The following RGS7 variants were observed in gnomAD, a reference collection of about 807,000 sequenced individuals.
RGS7 encodes the protein regulator of G protein signaling 7.
RGS7 carries 27 observed loss-of-function variants against 81.1 expected under a neutral mutation model. That is an observed-to-expected ratio of 0.33 (90% CI 0.25 to 0.46). The LOEUF is 0.46. Among genes scored for constraint, RGS7 ranks in the 20% least tolerant of loss-of-function variants. The pLI, the probability that RGS7 is intolerant of heterozygous loss-of-function variation, is 1.00. For synonymous variants in RGS7, 208 were observed against 207.7 expected, an observed-to-expected ratio of 1.00 and a Z score of -0.01; for missense variants, 396 against 607.4, an observed-to-expected ratio of 0.65 and a Z score of 3.66.
At chr1:240,854,072 T>C (rs1660639921) in intron 9 of RGS7, among the ~76,000 whole-genome samples, 1 of 152,118 alleles carries the variant, frequency 6.6e-6, no homozygotes, top group Admixed American at 6.5e-5. Flanking sequence ...CACATATACA[T>C]TTTTGAGGCT....
intron 2 of RGS7, among the ~76,000 whole-genome samples, chr1:241,256,482 T>C (rs1202925583): frequency 6.6e-6 from 1 of 152,168 alleles, no homozygotes. Context: ...TGGTCACTTA[T>C]TTACAATTTC....
chr1:240,903,574 A>G (rs183019880), intron 6 of RGS7, among the ~76,000 whole-genome samples: 1 of 152,166 alleles, frequency 6.6e-6, no homozygotes, highest in East Asian at 1.9e-4. Context: ...TATTTTCCCC[A>G]CAACAATGCT....
At chr1:241,077,581 T>G (rs1311700561) in intron 3 of RGS7, among the ~76,000 whole-genome samples, 2 of 152,118 alleles carry the variant, frequency 1.3e-5, no homozygotes, top group African/African-American at 4.8e-5. Context: ...GGACTGGGCC[T>G]CTGGAAGCCA....
At chr1:241,297,079 A>G (rs2079472222) in intron 2 of RGS7, among the ~76,000 whole-genome samples, 1 of 152,150 alleles carries the variant, frequency 6.6e-6, no homozygotes, top group African/African-American at 2.4e-5. Context: ...GCCCCTAAGT[A>G]TATTTTACTT....
chr1:241,011,464 G>A (rs1278191963), intron 3 of RGS7, among the ~76,000 whole-genome samples: 1 of 152,178 alleles, frequency 6.6e-6, no homozygotes, highest in Non-Finnish European at 1.5e-5. Context: ...TGAAAACCAA[G>A]TAAAAAGTAA....
Position 241,120,873 on chromosome 1 carries a change from T to C in RGS7, c.79-22111A>G, listed in dbSNP as rs2102994220. ...GAAATGGAGGATAGAGGGTTTAGAG[T>C]GGAGGTGCACGAGTGAGGTGCATTT... On this transcript the variant is annotated intron_variant, in intron 2 of 18. Transcript: ENST00000440928. Among the ~76,000 whole-genome samples the C allele has an allele frequency of 1.3e-5, 2 of 151,762 alleles. 1 individual carries two copies. The highest frequency in any genetic ancestry group is 4.2e-4 in the South Asian group (2 of 4,816).
intron 18 of RGS7, among the ~76,000 whole-genome samples, chr1:240,784,997 T>C (rs539408261): frequency 2.0e-5 from 3 of 152,302 alleles, no homozygotes; most frequent in African/African-American, 4.8e-5. Flanking sequence ...GAGTCTGAGC[T>C]AAAGGATGTT....
intron 3 of RGS7, among the ~76,000 whole-genome samples, chr1:241,045,579 G>C (rs1197137736): frequency 6.6e-6 from 1 of 152,064 alleles, no homozygotes; most frequent in African/African-American, 2.4e-5. Flanking sequence ...GGCCAGGCTG[G>C]TCTTGAATTC....
At chr1:240,968,144 A>G (rs528012743) in intron 4 of RGS7, among the ~76,000 whole-genome samples, 2 of 152,326 alleles carry the variant, frequency 1.3e-5, no homozygotes, top group South Asian at 4.1e-4. Context: ...CTTCTCACAC[A>G]GGAAGCCCAT....
chr1:241,108,081 TCAGGA>T (rs1436214365), intron 2 of RGS7, among the ~76,000 whole-genome samples: 6 of 115,042 alleles, frequency 5.2e-5, no homozygotes, highest in African/African-American at 3.5e-4. Flanking sequence ...GATCACAAGG[TCAGGA>T]GTTTGAGACC....
At chr1:241,107,786 A>G (rs1035443524) in intron 2 of RGS7, among the ~76,000 whole-genome samples, 1 of 152,196 alleles carries the variant, frequency 6.6e-6, no homozygotes, top group Non-Finnish European at 1.5e-5. Context: ...TTCCTTCTCT[A>G]ATTTCCATAC....
At chr1:241,335,248 A>G (rs929404883) in intron 2 of RGS7, among the ~76,000 whole-genome samples, 2 of 152,198 alleles carry the variant, frequency 1.3e-5, no homozygotes, top group Non-Finnish European at 2.9e-5. Flanking sequence ...ACAGAGATAC[A>G]TGCACATTTC....
chr1:241,174,952 G>A (rs1460937951), intron 2 of RGS7, among the ~76,000 whole-genome samples: 1 of 137,928 alleles, frequency 7.3e-6, no homozygotes, highest in East Asian at 2.2e-4. Context: ...ACCTGAGCTG[G>A]AGTGCAGTGG....
intron 3 of RGS7, among the ~76,000 whole-genome samples, chr1:241,001,299 GA>G (rs1688108403): frequency 6.6e-6 from 1 of 152,108 alleles, no homozygotes; most frequent in South Asian, 2.1e-4. Context: ...ATAAGAGTAA[GA>G]AGTCAATTGA....
At chr1:241,005,861 C>T (rs116677648) in intron 3 of RGS7, among the ~76,000 whole-genome samples, 2,146 of 152,248 alleles carry the variant, frequency 0.014, 43 homozygotes, top group African/African-American at 0.049. Context: ...GCTCAACATA[C>T]TGCTTTTGAT....
chr1:241,167,534 TC>T (rs1370493749), intron 2 of RGS7, among the ~76,000 whole-genome samples: 7 of 151,980 alleles, frequency 4.6e-5, no homozygotes, highest in African/African-American at 1.5e-4. Flanking sequence ...TTTTTTTTTT[TC>T]TTGAGACGAG....
At chr1:241,125,753 A>G (rs1473745467) in intron 2 of RGS7, among the ~76,000 whole-genome samples, 2 of 152,382 alleles carry the variant, frequency 1.3e-5, no homozygotes, top group African/African-American at 4.8e-5. Flanking sequence ...CCTGTACAGA[A>G]GCAGCCTGGG....
chr1:240,788,000 C>T (rs560963247), intron 18 of RGS7, among the ~76,000 whole-genome samples: 8 of 152,174 alleles, frequency 5.3e-5, no homozygotes, highest in East Asian at 1.9e-4. Context: ...GTTACGATTA[C>T]GAGGCCTATT....
chr1:241,309,113 G>A (rs1403467787), intron 2 of RGS7, among the ~76,000 whole-genome samples: 4 of 151,974 alleles, frequency 2.6e-5, no homozygotes, highest in Admixed American at 6.6e-5. Context: ...AAGTCCAGGC[G>A]CGGTGGCTCA....
Sources: allele counts gnomAD v4.1 joint callset (sites outside exome capture counted in the v4.1 genomes callset), GRCh38; gene constraint gnomAD v4.1.1; transcripts MANE v1.5; gene names NCBI Gene and HGNC (gene_info 2026-07-23, HGNC 2026-07-21).